The following TOLLIP variants were observed in gnomAD, a reference collection of about 807,000 sequenced individuals.
TOLLIP encodes toll interacting protein.
In TOLLIP, 16 loss-of-function variants were observed where a neutral mutation model predicts 33.5. The observed-to-expected ratio is 0.48, with a 90% confidence interval of 0.32 to 0.72. The LOEUF is 0.72. TOLLIP is among the 30% of genes least tolerant of loss of function. The pLI is 0.03. For synonymous variants in TOLLIP, 176 were observed against 163.7 expected (o/e 1.07, Z -0.57); for missense variants, 325 against 396.6 (o/e 0.82, Z 1.53).
At position 1,290,473 on chromosome 11, in the gene TOLLIP, G is replaced by C. The variant is rs982408175; in HGVS notation, c.184-64C>G. ...CATCAGGAGAGGGTGGGTTCTCTAG[G>C]CCGTCTGCCTCCCTGAACCCTTCCA... On this transcript the variant is annotated intron_variant, in intron 2 of 5. Transcript: ENST00000317204. The surrounding 1 kb of genome is among the most constrained non-coding windows in gnomAD (Gnocchi z 4.9). 1 of 1,514,570 alleles carries C rather than the reference G, an allele frequency of 6.6e-7. No individual in the cohort carries two copies. The highest frequency in any genetic ancestry group is 1.4e-5 in the African/African-American group (1 of 73,168). The allele number at this position is 1,514,570 out of a possible 1,614,324, so 93.8% of individuals were successfully genotyped here. A position where few individuals can be genotyped will look rare whatever the true frequency, so the allele number is the denominator to read the frequency against.
chr11:1,297,145 G>A (rs564332740), intron 1 of TOLLIP, among the ~76,000 whole-genome samples: 17 of 152,212 alleles, frequency 1.1e-4, no homozygotes, highest in African/African-American at 3.4e-4. Flanking sequence ...TCGGTGTGTC[G>A]GACGTGAGCT....
chr11:1,282,193 G>T (rs1414677612), intron 5 of TOLLIP, among the ~76,000 whole-genome samples: 1 of 152,218 alleles, frequency 6.6e-6, no homozygotes. Flanking sequence ...TTCCTGCAGT[G>T]CCAGGAAGCA....
intron 1 of TOLLIP, among the ~76,000 whole-genome samples, chr11:1,307,796 G>A (rs763963866): frequency 4.6e-5 from 7 of 152,190 alleles, no homozygotes; most frequent in Non-Finnish European, 7.3e-5. Context: ...CTGCCGACCC[G>A]TAGGCTCCAC....
chr11:1,295,141 T>G lies in TOLLIP; in HGVS notation c.183+504A>C, dbSNP rs537016138. Reference sequence around the variant, plus strand: ...CCTGCAGTCTTACAGACGGTTTTCGTGTGATCAAAATCGGCGTTCAATCTG... The same window carrying G: ...CCTGCAGTCTTACAGACGGTTTTCGGGTGATCAAAATCGGCGTTCAATCTG... On this transcript the variant is annotated intron_variant, in intron 2 of 5. Transcript: ENST00000317204. Among the ~76,000 whole-genome samples, 6 of 152,336 alleles carry G rather than the reference T, an allele frequency of 3.9e-5. No individual in the cohort carries two copies. The South Asian group carries it at 1.2e-3, about 32-fold the overall frequency.
chr11:1,278,030 C>A lies in TOLLIP; in HGVS notation c.611-777G>T, dbSNP rs952511655. On this transcript the variant is annotated intron_variant, in intron 5 of 5. Transcript: ENST00000317204. The surrounding 1 kb of genome is among the most constrained non-coding windows in gnomAD (Gnocchi z 4.7). ...CCCATGTCTGATGCGGGAGGACACA[C>A]TGAGATGCAATCTATCGAGCAGGAG... Among the ~76,000 whole-genome samples, 1 of 152,208 alleles carries A rather than the reference C, an allele frequency of 6.6e-6. No homozygotes were observed. The highest frequency in any genetic ancestry group is 2.4e-5 in the African/African-American group (1 of 41,454).
chr11:1,301,858 C>T (rs770025043), intron 1 of TOLLIP, among the ~76,000 whole-genome samples: 7 of 152,206 alleles, frequency 4.6e-5, no homozygotes, highest in Admixed American at 1.3e-4. Flanking sequence ...GAAATAAATC[C>T]CCCGTAGTAG....
intron 2 of TOLLIP, among the ~76,000 whole-genome samples, chr11:1,292,765 C>A (rs1379055127): frequency 1.3e-5 from 2 of 152,250 alleles, no homozygotes; most frequent in African/African-American, 4.8e-5. Context: ...GCTGCTTTCC[C>A]CACAATGGGC....
chr11:1,306,364 C>T (rs927722274), intron 1 of TOLLIP, among the ~76,000 whole-genome samples: 9 of 152,086 alleles, frequency 5.9e-5, no homozygotes, highest in Non-Finnish European at 2.9e-5. Context: ...TGCTCCTTCA[C>T]GGCCCATGGG....
rs1476920451 is a variant in TOLLIP, at chr11:1,277,663, G to C, written c.611-410C>G. On this transcript the variant is annotated intron_variant, in intron 5 of 5. Coordinates refer to ENST00000317204, the MANE Select transcript of TOLLIP (RefSeq NM_019009.4). The surrounding 1 kb of genome is among the most constrained non-coding windows in gnomAD (Gnocchi z 4.2). ...GCTCACAGAGTCCTCTGCATCTGGG[G>C]ACGGACTACACGGAATGTCACGCCC... 6.6e-6 allele frequency among the ~76,000 whole-genome samples: 1 copy of C among 152,196 alleles called. No homozygotes were observed. Among genetic ancestry groups the C allele is most frequent in the African/African-American group, 2.4e-5 (1 of 41,456 alleles).
In TOLLIP at chr11:1,293,678, C is replaced by T. The variant is rs561142828; in HGVS notation, c.183+1967G>A. 1.5e-4 allele frequency among the ~76,000 whole-genome samples: 23 copies of T among 152,354 alleles called. No homozygotes were observed. The South Asian group carries it at 4.8e-3, about 32-fold the overall frequency. ...GTGGGCTCCAGGGTGCGGGAGAGGACCAAGGGGGGCCAGAGGCGTGGGCAA... is the reference window on the plus strand; with the variant it reads ...GTGGGCTCCAGGGTGCGGGAGAGGATCAAGGGGGGCCAGAGGCGTGGGCAA... On this transcript the variant is annotated intron_variant, in intron 2 of 5. Coordinates refer to ENST00000317204, the MANE Select transcript of TOLLIP (RefSeq NM_019009.4).
intron 1 of TOLLIP, among the ~76,000 whole-genome samples, chr11:1,301,319 G>A (rs191135690): frequency 1.1e-4 from 16 of 152,274 alleles, no homozygotes; most frequent in Admixed American, 2.0e-4. Context: ...ACAAAATGTC[G>A]ACGATTCTCA....
rs199578390 is a variant in TOLLIP at position 1,277,181 on chromosome 11, C to T, written c.683G>A (p.Arg228His). The change falls in exon 6 of 6, where the codon CGC (arginine) becomes CAC (histidine). Residue 228 changes from arginine (R) to histidine (H), a missense_variant. Arg to His is a conservative substitution (Grantham distance 29, BLOSUM62 0). Coordinates refer to ENST00000317204, the MANE Select transcript of TOLLIP (RefSeq NM_019009.4). This position sits in a 1 kb window ranked among gnomAD's most constrained non-coding sequence, Gnocchi z 4.2. ...LPPAAVNAQP[R>H]CSEEDLKAIQ... The stretch of plus-strand genomic sequence containing the variant: ...GGCTTTCAGGTCCTCCTCGCTACAG[C>T]GGGGCTGGGCGTTCACGGCGGCCGG... 41 of 1,605,850 alleles carry T rather than the reference C, an allele frequency of 2.6e-5. No homozygotes were observed. The highest frequency in any genetic ancestry group is 1.7e-4 in the Middle Eastern group (1 of 6,038).
Position 1,290,297 on chromosome 11 carries a change from C to A in TOLLIP, c.296G>T (p.Arg99Leu). Residue 99 changes from arginine (R) to leucine (L), a missense_variant, in exon 3 of 6, where the codon CGC (arginine) becomes CTC (leucine). Transcript: ENST00000317204. The surrounding 1 kb of genome is among the most constrained non-coding windows in gnomAD (Gnocchi z 4.9). ...PTAHNGAKNP[R>L]WNKVIHCTVP... ...CGTGCAGTGGATGACCTTATTCCAGCGGGGATTCTTGGCGCCATTGTGTGC... is the reference window on the plus strand; with the variant it reads ...CGTGCAGTGGATGACCTTATTCCAGAGGGGATTCTTGGCGCCATTGTGTGC... 3 of 1,613,632 alleles carry A rather than the reference C, an allele frequency of 1.9e-6. No individual in the cohort carries two copies. Among genetic ancestry groups the A allele is most frequent in the Admixed American group, 3.3e-5 (2 of 60,016 alleles).
chr11:1,309,455 G>A lies in TOLLIP; in HGVS notation c.33+11C>T. The A allele has an allele frequency of 1.5e-6, 2 of 1,314,206 alleles. No individual in the cohort carries two copies. Among genetic ancestry groups the A allele is most frequent in the African/African-American group, 1.5e-5 (1 of 64,642 alleles). 81.4% of individuals were successfully genotyped at this position (1,314,206 alleles called of 1,614,324 possible). A position where few individuals can be genotyped will look rare whatever the true frequency, so the allele number is the denominator to read the frequency against. Reference sequence around the variant, plus strand: ...CACCGCCCCCGCCCGACCCTCGCCCGGCTGCCTCACCGGCCCGCGCTGAGT... The same window carrying A: ...CACCGCCCCCGCCCGACCCTCGCCCAGCTGCCTCACCGGCCCGCGCTGAGT... On this transcript the variant is annotated intron_variant, in intron 1 of 5. Coordinates refer to ENST00000317204, the MANE Select transcript of TOLLIP (RefSeq NM_019009.4).
rs1590202217 is a variant in TOLLIP at position 1,276,970 on chromosome 11, G to T, written c.*69C>A. The T allele has an allele frequency of 6.3e-7, 1 of 1,591,274 alleles. No homozygotes were observed. The highest frequency in any genetic ancestry group is 8.6e-7 in the Non-Finnish European group (1 of 1,165,668). On this transcript the variant is annotated 3_prime_UTR_variant, in exon 6 of 6. Transcript: ENST00000317204. ...CTTTCACGGGAATCTTGTTGGGACAGCATTCCTTGGGGAGCGCCGGGTCGG... is the reference window on the plus strand; with the variant it reads ...CTTTCACGGGAATCTTGTTGGGACATCATTCCTTGGGGAGCGCCGGGTCGG...
chr11:1,293,338 C>T (rs1328623313), intron 2 of TOLLIP, among the ~76,000 whole-genome samples: 1 of 152,194 alleles, frequency 6.6e-6, no homozygotes, highest in Non-Finnish European at 1.5e-5. Flanking sequence ...GCTGAGTGGT[C>T]GGCTCAGGCT....
chr11:1,289,987 C>T (rs1863881732), intron 3 of TOLLIP: 1 of 537,410 alleles, frequency 1.9e-6, no homozygotes, highest in Non-Finnish European at 3.4e-6. Flanking sequence ...ACGCTGTATC[C>T]CTGGGTCATG....
chr11:1,283,400 C>T (rs982302598), intron 5 of TOLLIP: 6 of 372,874 alleles, frequency 1.6e-5, no homozygotes, highest in African/African-American at 1.3e-4. Flanking sequence ...AGCCCCAACG[C>T]GTCAGTGTCA....
rs182958165 is a variant in TOLLIP at position 1,299,869 on chromosome 11, C to T, written c.34-4075G>A. 2.8e-3 allele frequency among the ~76,000 whole-genome samples: 422 copies of T among 152,346 alleles called. 2 individuals carry two copies. Among genetic ancestry groups the T allele is most frequent in the Admixed American group, 4.9e-3 (75 of 15,310 alleles). ...CACATCCACCCAGCGCATCGCCACG[C>T]GGCCTCACCAGGAGCCGGCGGTCCC... On this transcript the variant is annotated intron_variant, in intron 1 of 5. Transcript: ENST00000317204.
Sources: allele counts gnomAD v4.1 joint callset (sites outside exome capture counted in the v4.1 genomes callset), GRCh38; gene constraint gnomAD v4.1.1; non-coding constraint Gnocchi (gnomAD v3.1); transcripts MANE v1.5; gene names NCBI Gene and HGNC (gene_info 2026-07-23, HGNC 2026-07-21).